The following PLEKHB2 variants were observed in gnomAD, a reference collection of about 807,000 sequenced individuals.
PLEKHB2 encodes pleckstrin homology domain containing B2, also known as pleckstrin homology domain-containing family B member 2.
PLEKHB2 carries 31 observed loss-of-function variants against 36.5 expected under a neutral mutation model. The observed-to-expected ratio is 0.85, with a 90% CI of 0.64 to 1.15. The LOEUF (loss-of-function observed/expected upper bound fraction) is 1.15. PLEKHB2 is among the 50% of genes most tolerant of loss of function. PLEKHB2 has a pLI of 0.00. For synonymous variants in PLEKHB2, 119 were observed against 112.0 expected (o/e 1.06, Z -0.39); for missense variants, 262 against 295.3 (o/e 0.89, Z 0.83).
In PLEKHB2 at chr2:131,146,685, A is replaced by G. The variant is rs746229336; in HGVS notation, c.581A>G (p.Tyr194Cys). Residue 194 changes from tyrosine (Y) to cysteine (C), a missense_variant, in exon 8 of 8, where the codon TAT (tyrosine) becomes TGT (cysteine). Physicochemically the swap from Tyr to Cys is radical, Grantham distance 194. Transcript: ENST00000693505. ...PANQVIIRER[Y>C]RDNDSDLALG... ...AACCAAGTCATCATTCGAGAGCGCT[A>G]TCGAGACAACGACAGCGACCTGGCA... The G allele has an allele frequency of 3.1e-6, 5 of 1,613,806 alleles. No individual in the cohort carries two copies. The East Asian group carries it at 6.7e-5, about 22-fold the overall frequency.
intron 2 of PLEKHB2, 99 bp from the exon 3 acceptor site, chr2:131,125,654 A>C: frequency 1.1e-6 from 1 of 950,538 alleles, no homozygotes; most frequent in South Asian, 1.7e-5. Context: ...GCAGTGACCT[A>C]TGATCATGTT....
At chr2:131,119,489 C>T (rs895519136) in intron 1 of PLEKHB2, among the ~76,000 whole-genome samples, 3 of 152,106 alleles carry the variant, frequency 2.0e-5, no homozygotes, top group African/African-American at 7.2e-5. Context: ...AGCAGTCCTC[C>T]GTCGTGGGGC....
intron 1 of PLEKHB2, among the ~76,000 whole-genome samples, chr2:131,108,220 A>G (rs1694933955): frequency 6.6e-6 from 1 of 152,210 alleles, no homozygotes; most frequent in Non-Finnish European, 1.5e-5. Context: ...TTTCAAAGAG[A>G]TACAAATTCA....
chr2:131,117,799 C>T (rs1696045008), intron 1 of PLEKHB2, among the ~76,000 whole-genome samples: 1 of 152,076 alleles, frequency 6.6e-6, no homozygotes, highest in Non-Finnish European at 1.5e-5. Context: ...TTTTGTTTCG[C>T]CTGTTTCTTC....
At chr2:131,119,974 T>C (rs1696314221) in intron 1 of PLEKHB2, among the ~76,000 whole-genome samples, 2 of 150,886 alleles carry the variant, frequency 1.3e-5, no homozygotes, top group African/African-American at 4.9e-5. Flanking sequence ...CTTCTTCTTT[T>C]TTTTTTTTTT....
chr2:131,123,259 G>A (rs1162269450), intron 2 of PLEKHB2, among the ~76,000 whole-genome samples: 1 of 152,182 alleles, frequency 6.6e-6, no homozygotes, highest in Non-Finnish European at 1.5e-5. Flanking sequence ...ATCAATGCCA[G>A]TAAAACGAGG....
chr2:131,127,854 A>G (rs957470220), intron 4 of PLEKHB2, among the ~76,000 whole-genome samples: 5 of 152,190 alleles, frequency 3.3e-5, no homozygotes, highest in African/African-American at 1.2e-4. Flanking sequence ...GCTAGGGAAA[A>G]AATCCTTAAG....
At chr2:131,116,754 A>AC (rs1435191325) in intron 1 of PLEKHB2, among the ~76,000 whole-genome samples, 2 of 152,120 alleles carry the variant, frequency 1.3e-5, no homozygotes, top group African/African-American at 4.8e-5. Flanking sequence ...TCAGATGTTC[A>AC]CCCACACAAT....
intron 6 of PLEKHB2, among the ~76,000 whole-genome samples, chr2:131,138,286 A>G (rs955623428): frequency 6.6e-6 from 1 of 152,100 alleles, no homozygotes; most frequent in African/African-American, 2.4e-5. Context: ...TATGGTAGAT[A>G]CTTTAAATTT....
At chr2:131,121,392 G>GCA (rs1408859265) in intron 2 of PLEKHB2, among the ~76,000 whole-genome samples, 1 of 152,142 alleles carries the variant, frequency 6.6e-6, no homozygotes, top group Non-Finnish European at 1.5e-5. Context: ...GGGATCACAG[G>GCA]CACACACCAC....
At position 131,126,686 on chromosome 2, in the gene PLEKHB2, A is replaced by ATTTTT; in HGVS notation, c.193_194insTTTTT (p.Thr65IlefsTer57). 1 of 1,587,236 alleles carries ATTTTT rather than the reference A, an allele frequency of 6.3e-7. No homozygotes were observed. The highest frequency in any genetic ancestry group is 8.7e-7 in the Non-Finnish European group (1 of 1,155,844). On this transcript the variant is annotated frameshift_variant, in exon 4 of 8. Transcript: ENST00000693505. LOFTEE classifies it high-confidence loss of function. ...TTTATTCTGCTTATTTTTCATAGATACTCAGCCCCCGGATGGAAAGTCAAA... is the reference window on the plus strand; with the variant it reads ...TTTATTCTGCTTATTTTTCATAGATATTTTTCTCAGCCCCCGGATGGAAAGTCAAA...
intron 2 of PLEKHB2, among the ~76,000 whole-genome samples, chr2:131,123,950 G>A (rs1417435351): frequency 6.6e-6 from 1 of 151,812 alleles, no homozygotes; most frequent in Non-Finnish European, 1.5e-5. Context: ...CCAGGTTCAG[G>A]TGGTCCTCCT....
In PLEKHB2 at chr2:131,147,250, G is replaced by C. The variant is rs1019958243; in HGVS notation, c.*477G>C. 2.6e-5 allele frequency: 4 copies of C among 152,316 alleles called. No homozygotes were observed. Among genetic ancestry groups the C allele is most frequent in the African/African-American group, 9.7e-5 (4 of 41,440 alleles). 9.4% of individuals were successfully genotyped at this position (152,316 alleles called of 1,614,324 possible). A position where few individuals can be genotyped will look rare whatever the true frequency, so the allele number is the denominator to read the frequency against. On this transcript the variant is annotated 3_prime_UTR_variant, in exon 8 of 8. Transcript: ENST00000693505. ...GAGTTGTGGGTTGGTAAGCTCCCAGGTACTTCCCGAGGCTATGGTGTGAGA... is the reference window on the plus strand; with the variant it reads ...GAGTTGTGGGTTGGTAAGCTCCCAGCTACTTCCCGAGGCTATGGTGTGAGA...
intron 1 of PLEKHB2, among the ~76,000 whole-genome samples, chr2:131,109,523 G>A (rs1695072464): frequency 6.6e-6 from 1 of 151,910 alleles, no homozygotes; most frequent in Admixed American, 6.6e-5. Context: ...AATCCCGTCT[G>A]TACTAAAAGT....
chr2:131,124,961 A>G (rs1197500244), intron 2 of PLEKHB2, among the ~76,000 whole-genome samples: 1 of 151,604 alleles, frequency 6.6e-6, no homozygotes, highest in African/African-American at 2.4e-5. Context: ...AATTTTTTGT[A>G]TTTTTAGAGA....
At position 131,114,550 on chromosome 2, in the gene PLEKHB2, G is replaced by A. The variant is rs1271392514; in HGVS notation, c.-8-6384G>A. Among the ~76,000 whole-genome samples the A allele has an allele frequency of 2.6e-5, 4 of 152,144 alleles. No individual in the cohort carries two copies. The South Asian group carries it at 6.2e-4, about 24-fold the overall frequency. ...GTTTTTCTTTTCTGTTGCATCATCA[G>A]TTGGCAAATTTTCCAAACTTTTATG... is the stretch of plus-strand genomic sequence containing the variant. On this transcript the variant is annotated intron_variant, in intron 1 of 7. Coordinates refer to ENST00000693505, the MANE Select transcript of PLEKHB2 (RefSeq NM_001100623.2).
intron 7 of PLEKHB2, chr2:131,144,345 G>T: frequency 1.4e-6 from 1 of 689,918 alleles, no homozygotes; most frequent in South Asian, 7.4e-5. Flanking sequence ...CCTATAATGT[G>T]GGGTTGAGGT....
chr2:131,133,051 T>A, intron 6 of PLEKHB2, 60 bp downstream of exon 6: 1 of 1,066,674 alleles, frequency 9.4e-7, no homozygotes, highest in Non-Finnish European at 1.4e-6. Flanking sequence ...GCTGTCCTGC[T>A]TTGTTTTGTT....
intron 2 of PLEKHB2, 61 bp downstream of exon 2, chr2:131,121,039 T>G (rs1696462729): frequency 6.6e-7 from 1 of 1,522,230 alleles, no homozygotes; most frequent in East Asian, 2.3e-5. Flanking sequence ...TATTTCTGTT[T>G]GCTTAAAGTT....
Sources: gnomAD v4.1 joint callset for allele counts (sites outside exome capture counted in the v4.1 genomes callset) on GRCh38, gnomAD v4.1.1 for gene constraint, MANE v1.5 for transcripts, NCBI Gene and HGNC (gene_info 2026-07-23, HGNC 2026-07-21) for gene names.